Variants in PLEKHF1 observed in about 807,000 individuals in gnomAD.
The protein encoded by PLEKHF1 is pleckstrin homology domain-containing family F member 1.
In PLEKHF1, 1 loss-of-function variant was observed where a neutral mutation model predicts 4.1. The observed-to-expected ratio is 0.24, with a 90% CI of 0.09 to 1.15. PLEKHF1 has a LOEUF of 1.15. PLEKHF1 is among the 50% of genes most tolerant of loss of function. The pLI is 0.52. For synonymous variants in PLEKHF1, 182 were observed against 178.5 expected, an observed-to-expected ratio of 1.02 and a Z score of -0.16; for missense variants, 429 against 400.6, an observed-to-expected ratio of 1.07 and a Z score of -0.60.
chr19:29,669,284 A>G (rs943545780), intron 1 of PLEKHF1, among the ~76,000 whole-genome samples: 1 of 152,140 alleles, frequency 6.6e-6, no homozygotes, highest in African/African-American at 2.4e-5. Flanking sequence ...TGGCTGGCCC[A>G]GTCTCCAGAG....
Position 29,674,095 on chromosome 19 carries a change from A to T in PLEKHF1, c.256A>T (p.Thr86Ser), listed in dbSNP as rs200004210. 47 of 1,613,922 alleles carry T rather than the reference A, an allele frequency of 2.9e-5. No individual in the cohort carries two copies. The highest frequency in any genetic ancestry group is 4.0e-5 in the Non-Finnish European group (47 of 1,180,012). ...GCACATCATCCCCCTGGAGGAGGTC[A>T]CACTGGAGCTGTTGCCGGAGACGCT... ...SQHIIPLEEVTLELLPETLQA... is the reference protein window; with the variant it reads ...SQHIIPLEEVSLELLPETLQA... The change falls in exon 2 of 2, where the codon ACA (threonine) becomes TCA (serine). Residue 86 changes from threonine (T) to serine (S), a missense_variant. Coordinates refer to ENST00000436066, the MANE Select transcript of PLEKHF1 (RefSeq NM_024310.5).
chr19:29,674,205 G>C lies in PLEKHF1; in HGVS notation c.366G>C (p.Trp122Cys), dbSNP rs748837825. The C allele has an allele frequency of 6.2e-7, 1 of 1,612,940 alleles. No homozygotes were observed. Among genetic ancestry groups the C allele is most frequent in the Non-Finnish European group, 8.5e-7 (1 of 1,179,844 alleles). Residue 122 changes from tryptophan (W) to cysteine (C), a missense_variant, in exon 2 of 2, where the codon TGG becomes TGC. Transcript: ENST00000436066. ...SAASATERQE[W>C]ISHIEECVRR... The stretch of plus-strand genomic sequence containing the variant: ...CCTCCGCTACGGAGCGCCAGGAATG[G>C]ATTAGCCACATCGAGGAGTGCGTGC...
rs140046211 is a variant in PLEKHF1, at chr19:29,674,980, G to A, written c.*301G>A. 72 of 385,306 alleles carry A rather than the reference G, an allele frequency of 1.9e-4. No homozygotes were observed. The highest frequency in any genetic ancestry group is 1.7e-3 in the Admixed American group (41 of 23,794). The allele number at this position is 385,306 out of a possible 1,614,324, so 23.9% of individuals were successfully genotyped here. A position where few individuals can be genotyped will look rare whatever the true frequency, so the allele number is the denominator to read the frequency against. On this transcript the variant is annotated 3_prime_UTR_variant, in exon 2 of 2. Coordinates refer to ENST00000436066, the MANE Select transcript of PLEKHF1 (RefSeq NM_024310.5). ...CTCCAGATGGCCTCCTGAGCTGGAC[G>A]ACCCCAGGTCTCCAGACATCTAGGG... is the stretch of plus-strand genomic sequence containing the variant.
At chr19:29,667,227 C>T (rs965479364) in intron 1 of PLEKHF1, 7 of 152,552 alleles carry the variant, frequency 4.6e-5, no homozygotes. Flanking sequence ...CCTCCACCGT[C>T]CTCCCAGGCC....
chr19:29,674,392 G>C lies in PLEKHF1; in HGVS notation c.553G>C (p.Glu185Gln). Residue 185 changes from glutamate (E) to glutamine (Q), a missense_variant, in exon 2 of 2, where the codon GAG becomes CAG. Glu to Gln is a conservative substitution (Grantham distance 29). Transcript: ENST00000436066. ...CRKCGFVVCA[E>Q]CSRQRFLLPR... is the part of the protein sequence containing the mutation. Reference sequence around the variant, plus strand: ...CAAGTGCGGCTTCGTGGTCTGCGCTGAGTGCTCGCGCCAGCGCTTCCTGCT... The same window carrying C: ...CAAGTGCGGCTTCGTGGTCTGCGCTCAGTGCTCGCGCCAGCGCTTCCTGCT... 6.5e-7 allele frequency: 1 copy of C among 1,532,366 alleles called. No homozygotes were observed. The highest frequency in any genetic ancestry group is 8.7e-7 in the Non-Finnish European group (1 of 1,143,252). 94.9% of individuals were successfully genotyped at this position (1,532,366 alleles called of 1,614,324 possible). A position where few individuals can be genotyped will look rare whatever the true frequency, so the allele number is the denominator to read the frequency against.
chr19:29,666,344 C>A (rs1165922773), intron 1 of PLEKHF1, among the ~76,000 whole-genome samples: 1 of 152,238 alleles, frequency 6.6e-6, no homozygotes, highest in Non-Finnish European at 1.5e-5. Context: ...CGTCCCTCTG[C>A]ACAGCGTCGT....
chr19:29,670,052 C>T (rs1273505548), intron 1 of PLEKHF1, among the ~76,000 whole-genome samples: 1 of 152,142 alleles, frequency 6.6e-6, no homozygotes, highest in Non-Finnish European at 1.5e-5. Context: ...CTGCCTCAGC[C>T]TCCTCAGTAG....
chr19:29,673,688 G>C, intron 1 of PLEKHF1, 136 bp from the exon 2 acceptor site: 11 of 1,162,338 alleles, frequency 9.5e-6, no homozygotes, highest in African/African-American at 1.5e-5. Flanking sequence ...TCTCAGTGCT[G>C]GGCAGGCCTG....
chr19:29,674,280 A>G lies in PLEKHF1; in HGVS notation c.441A>G (p.Ala147=). The change falls in exon 2 of 2, where the codon GCA becomes GCG. Residue 147 remains alanine (A), a synonymous_variant. Transcript: ENST00000436066. ...TGRPPSTEHA[A]PWIPDKATDI... is the part of the protein sequence containing the mutation. ...GCCCGCCCAGCACGGAGCACGCGGC[A>G]CCCTGGATCCCCGACAAGGCCACGG... 1 of 1,598,754 alleles carries G rather than the reference A, an allele frequency of 6.3e-7. No individual in the cohort carries two copies.
intron 1 of PLEKHF1, among the ~76,000 whole-genome samples, chr19:29,670,822 C>T (rs549416847): frequency 9.3e-5 from 14 of 150,752 alleles, no homozygotes; most frequent in Middle Eastern, 3.7e-3. Flanking sequence ...GGACTACAGG[C>T]GCTCGCCACC....
Position 29,674,319 on chromosome 19 carries a change from C to T in PLEKHF1, c.480C>T (p.Arg160=). Residue 160 remains arginine, a synonymous_variant, in exon 2 of 2, where the codon CGC becomes CGT. Transcript: ENST00000436066. ...ACAAGGCCACGGACATCTGCATGCG[C>T]TGCACGCAGACGCGCTTCTCTGCCC... ...IPDKATDICM[R]CTQTRFSALT... is the part of the protein sequence containing the mutation. The T allele has an allele frequency of 6.3e-7, 1 of 1,581,642 alleles. No homozygotes were observed. The highest frequency in any genetic ancestry group is 8.5e-7 in the Non-Finnish European group (1 of 1,170,832).
At chr19:29,670,577 T>C (rs1173346457) in intron 1 of PLEKHF1, among the ~76,000 whole-genome samples, 4 of 152,260 alleles carry the variant, frequency 2.6e-5, no homozygotes, top group Admixed American at 2.0e-4. Context: ...TGAATGATGC[T>C]GATATGAACA....
In PLEKHF1 at chr19:29,674,208, T is replaced by A; in HGVS notation, c.369T>A (p.Ile123=). 6.2e-7 allele frequency: 1 copy of A among 1,612,864 alleles called. No homozygotes were observed. The highest frequency in any genetic ancestry group is 8.5e-7 in the Non-Finnish European group (1 of 1,179,820). The change falls in exon 2 of 2, where the codon ATT becomes ATA. Residue 123 remains isoleucine (I), a synonymous_variant. Transcript: ENST00000436066. The part of the protein sequence containing the change: ...AASATERQEW[I]SHIEECVRRQ... The stretch of plus-strand genomic sequence containing the variant: ...CCGCTACGGAGCGCCAGGAATGGAT[T>A]AGCCACATCGAGGAGTGCGTGCGGC...
At chr19:29,668,242 C>CCT (rs1971591722) in intron 1 of PLEKHF1, among the ~76,000 whole-genome samples, 1 of 152,228 alleles carries the variant, frequency 6.6e-6, no homozygotes, top group Non-Finnish European at 1.5e-5. Flanking sequence ...CCTCTACCAG[C>CCT]AGCCCTGGGG....
intron 1 of PLEKHF1, among the ~76,000 whole-genome samples, chr19:29,668,328 A>T (rs1971592466): frequency 6.6e-6 from 1 of 152,138 alleles, no homozygotes; most frequent in Non-Finnish European, 1.5e-5. Flanking sequence ...TTCCCGAGGC[A>T]GGCCGGCCCC....
rs1384822383 is a variant in PLEKHF1, at chr19:29,665,467, G to A, written c.-55G>A. The A allele has an allele frequency of 1.1e-6, 1 of 935,954 alleles. No individual in the cohort carries two copies. Among genetic ancestry groups the A allele is most frequent in the Non-Finnish European group, 1.4e-6 (1 of 715,990 alleles). 58.0% of individuals were successfully genotyped at this position (935,954 alleles called of 1,614,324 possible). A position where few individuals can be genotyped will look rare whatever the true frequency, so the allele number is the denominator to read the frequency against. Reference sequence around the variant, plus strand: ...GCGGGCGGGGACCCGGGCTACTGCGGTGTGGACTCGAGGGCTGGGCGCGGG... The same window carrying A: ...GCGGGCGGGGACCCGGGCTACTGCGATGTGGACTCGAGGGCTGGGCGCGGG... On this transcript the variant is annotated 5_prime_UTR_variant, in exon 1 of 2. The change creates a new upstream start codon in the 5' untranslated region. Coordinates refer to ENST00000436066, the MANE Select transcript of PLEKHF1 (RefSeq NM_024310.5).
Position 29,674,915 on chromosome 19 carries a change from TAACA to T in PLEKHF1, c.*240_*243del. On this transcript the variant is annotated 3_prime_UTR_variant, in exon 2 of 2. Transcript: ENST00000436066. Reference sequence around the variant, plus strand: ...GCCCCAGAACACCCACAGGTCTTGGTAACAAACGCCACCTTACACTCTGCAGGCT... The same window carrying T: ...GCCCCAGAACACCCACAGGTCTTGGTAACGCCACCTTACACTCTGCAGGCT... The T allele has an allele frequency of 1.7e-6, 1 of 591,790 alleles. No individual in the cohort carries two copies. Among genetic ancestry groups the T allele is most frequent in the South Asian group, 3.3e-5 (1 of 30,126 alleles). The allele number at this position is 591,790 out of a possible 1,614,324, so 36.7% of individuals were successfully genotyped here. A position where few individuals can be genotyped will look rare whatever the true frequency, so the allele number is the denominator to read the frequency against.
At chr19:29,669,092 A>G (rs1363398842) in intron 1 of PLEKHF1, among the ~76,000 whole-genome samples, 3 of 152,124 alleles carry the variant, frequency 2.0e-5, no homozygotes, top group Non-Finnish European at 2.9e-5. Flanking sequence ...TCTGTGAGTC[A>G]TGGGTGGGGG....
chr19:29,674,135 G>T lies in PLEKHF1; in HGVS notation c.296G>T (p.Arg99Leu). The change falls in exon 2 of 2, where the codon CGC (arginine) becomes CTC (leucine). Residue 99 changes from arginine (R) to leucine (L), a missense_variant. By Grantham distance (102) the Arg-to-Leu change is moderately radical. Coordinates refer to ENST00000436066, the MANE Select transcript of PLEKHF1 (RefSeq NM_024310.5). ...CCGGAGACGCTGCAGGCCAAGAACCGCTGGATGATCAAGACGGCCAAGAAG... is the reference window on the plus strand; with the variant it reads ...CCGGAGACGCTGCAGGCCAAGAACCTCTGGATGATCAAGACGGCCAAGAAG... ...LLPETLQAKN[R>L]WMIKTAKKSF... 4 of 1,613,824 alleles carry T rather than the reference G, an allele frequency of 2.5e-6. No individual in the cohort carries two copies. The highest frequency in any genetic ancestry group is 2.2e-5 in the South Asian group (2 of 91,090).
Sources: gnomAD v4.1 joint callset for allele counts (sites outside exome capture counted in the v4.1 genomes callset) on GRCh38, gnomAD v4.1.1 for gene constraint, MANE v1.5 for transcripts, NCBI Gene and HGNC (gene_info 2026-07-23, HGNC 2026-07-21) for gene names.